The following CAPRIN1 variants were observed in gnomAD, a reference collection of about 807,000 sequenced individuals.
CAPRIN1 encodes cell cycle associated protein 1.
A neutral mutation model predicts 100.9 loss-of-function variants in CAPRIN1; 29 were observed. The ratio of observed to expected loss-of-function variants is 0.29; its 90% confidence interval spans 0.21 to 0.39. The LOEUF is 0.39. CAPRIN1 is among the 10% of genes least tolerant of loss of function. CAPRIN1 has a pLI of 1.00. For synonymous variants in CAPRIN1, 338 were observed against 307.5 expected (o/e 1.10, Z -1.04); for missense variants, 795 against 876.7 (o/e 0.91, Z 1.18).
At chr11:34,079,244 AC>A (rs1850963833) in intron 6 of CAPRIN1, among the ~76,000 whole-genome samples, 1 of 152,144 alleles carries the variant, frequency 6.6e-6, no homozygotes, top group African/African-American at 2.4e-5. Flanking sequence ...TACTGAAAAT[AC>A]AAAAATTGGC....
At chr11:34,064,778 G>A (rs1323865458) in intron 2 of CAPRIN1, among the ~76,000 whole-genome samples, 2 of 152,032 alleles carry the variant, frequency 1.3e-5, no homozygotes, top group Non-Finnish European at 2.9e-5. Context: ...CTCAAAGGTG[G>A]TAACCCCTAA....
Position 34,086,350 on chromosome 11 carries a change from G to A in CAPRIN1, c.1168G>A (p.Val390Ile), listed in dbSNP as rs753669335. ...AAATCAGACACTTGATCCTGCCATT[G>A]TATCTGCACAGCCTATGAATCCAAC... ...FENQTLDPAI[V>I]SAQPMNPTQN... The change falls in exon 11 of 19, where the codon GTA becomes ATA. Residue 390 changes from valine (V) to isoleucine (I), a missense_variant. Transcript: ENST00000341394. The A allele has an allele frequency of 1.9e-6, 3 of 1,614,050 alleles. No individual in the cohort carries two copies. In the South Asian group the frequency reaches 3.3e-5, roughly 18 times the overall value.
intron 15 of CAPRIN1, among the ~76,000 whole-genome samples, chr11:34,093,604 A>G (rs1355668614): frequency 6.6e-6 from 1 of 152,210 alleles, no homozygotes; most frequent in Non-Finnish European, 1.5e-5. Flanking sequence ...TGTAGTATTC[A>G]GTATCACTAA....
intron 6 of CAPRIN1, among the ~76,000 whole-genome samples, chr11:34,077,081 G>A (rs752607574): frequency 1.3e-5 from 2 of 152,166 alleles, no homozygotes; most frequent in African/African-American, 2.4e-5. Flanking sequence ...ATTTAGAAAT[G>A]TATACATAGC....
intron 7 of CAPRIN1, 98 bp from the exon 8 acceptor site, chr11:34,082,727 A>G: frequency 1.2e-6 from 1 of 816,070 alleles, no homozygotes; most frequent in South Asian, 1.5e-5. Context: ...GGGTTTGGAC[A>G]AATGCATAAT....
chr11:34,087,710 CA>C (rs1260031649), intron 11 of CAPRIN1, among the ~76,000 whole-genome samples: 1 of 152,130 alleles, frequency 6.6e-6, no homozygotes, highest in Non-Finnish European at 1.5e-5. Flanking sequence ...TTTTAGTGTT[CA>C]TTTTCTGAGC....
rs114363551 is a variant in CAPRIN1, at chr11:34,078,489, C to T, written c.689-1139C>T. On this transcript the variant is annotated intron_variant, in intron 6 of 18. Coordinates refer to ENST00000341394, the MANE Select transcript of CAPRIN1 (RefSeq NM_005898.5). ...TTTTTGTTTGTTTTTGAATATCTTT[C>T]GATTGTCTACTTTTTTCTCTTCTAC... Among the ~76,000 whole-genome samples, 703 of 152,262 alleles carry T rather than the reference C, an allele frequency of 4.6e-3. 7 individuals are homozygous for T. Among genetic ancestry groups the T allele is most frequent in the African/African-American group, 0.017 (687 of 41,550 alleles).
At chr11:34,079,594 A>T in intron 6 of CAPRIN1, 34 bp from the exon 7 acceptor site, 1 of 1,580,400 alleles carries the variant, frequency 6.3e-7, no homozygotes, top group Non-Finnish European at 8.7e-7. Context: ...TCCTCAGATA[A>T]GTCTTACATT....
chr11:34,071,161 C>G (rs1850797966), intron 2 of CAPRIN1, among the ~76,000 whole-genome samples: 1 of 152,164 alleles, frequency 6.6e-6, no homozygotes, highest in South Asian at 2.1e-4. Context: ...ATGCCTAGTC[C>G]ATCTAATACT....
chr11:34,076,778 G>A, intron 6 of CAPRIN1, 136 bp downstream of exon 6: 1 of 651,476 alleles, frequency 1.5e-6, no homozygotes, highest in Non-Finnish European at 2.6e-6. Flanking sequence ...CTGTTGCCCA[G>A]GTTGGAGTGT....
intron 2 of CAPRIN1, among the ~76,000 whole-genome samples, chr11:34,062,364 G>A (rs1371425124): frequency 6.6e-6 from 1 of 152,108 alleles, no homozygotes; most frequent in Non-Finnish European, 1.5e-5. Flanking sequence ...GGTGGCTCAC[G>A]CCTGTAATCC....
chr11:34,086,382 C>T lies in CAPRIN1; in HGVS notation c.1200C>T (p.Asn400=), dbSNP rs1851144685. The T allele has an allele frequency of 6.2e-7, 1 of 1,613,498 alleles. No individual in the cohort carries two copies. Among genetic ancestry groups the T allele is most frequent in the Non-Finnish European group, 8.5e-7 (1 of 1,179,576 alleles). Reference sequence around the variant, plus strand: ...CACAGCCTATGAATCCAACACAAAACATGGACATGCCCCAGCTGGTTTGCC... The same window carrying T: ...CACAGCCTATGAATCCAACACAAAATATGGACATGCCCCAGCTGGTTTGCC... ...VSAQPMNPTQ[N]MDMPQLVCPP... is the part of the protein sequence containing the mutation. The change falls in exon 11 of 19, where the codon AAC becomes AAT. Residue 400 remains asparagine (N), a synonymous_variant. Transcript: ENST00000341394.
chr11:34,087,220 T>C (rs1404424834), intron 11 of CAPRIN1, among the ~76,000 whole-genome samples: 1 of 152,188 alleles, frequency 6.6e-6, no homozygotes, highest in Non-Finnish European at 1.5e-5. Context: ...TGTTGCATGA[T>C]GTTAAATATC....
chr11:34,080,336 G>A (rs887152644), intron 7 of CAPRIN1, among the ~76,000 whole-genome samples: 6 of 152,132 alleles, frequency 3.9e-5, no homozygotes, highest in Admixed American at 1.3e-4. Context: ...CTGATAGATA[G>A]TTCTTTTGCA....
chr11:34,053,234 C>G (rs1850369331), intron 2 of CAPRIN1: 1 of 834,868 alleles, frequency 1.2e-6, no homozygotes, highest in African/African-American at 1.8e-5. Flanking sequence ...CTTCGATTTG[C>G]TACCCCCGCG....
intron 15 of CAPRIN1, among the ~76,000 whole-genome samples, chr11:34,095,367 TATA>T (rs770640398): frequency 1.2e-4 from 19 of 152,254 alleles, no homozygotes; most frequent in Admixed American, 5.2e-4. Context: ...ATTTTGGGAA[TATA>T]ATAAAAGGCA....
intron 18 of CAPRIN1, chr11:34,098,220 G>C: frequency 1.0e-6 from 1 of 992,768 alleles, no homozygotes; most frequent in Non-Finnish European, 1.2e-6. Context: ...TTAACATTTA[G>C]AGAACCATTT....
intron 12 of CAPRIN1, 108 bp from the exon 13 acceptor site, chr11:34,090,071 T>G: frequency 1.8e-6 from 1 of 566,572 alleles, no homozygotes; most frequent in South Asian, 2.6e-5. Flanking sequence ...CTCCCTTCTT[T>G]AGCAGTTGTA....
Position 34,099,423 on chromosome 11 carries a change from A to C in CAPRIN1, c.*56A>C. The C allele has an allele frequency of 7.5e-7, 1 of 1,341,698 alleles. No individual in the cohort carries two copies. Among genetic ancestry groups the C allele is most frequent in the Non-Finnish European group, 1.1e-6 (1 of 933,018 alleles). The allele number at this position is 1,341,698 out of a possible 1,614,324, so 83.1% of individuals were successfully genotyped here. ...AAAACACACTGGCCAGTGTACCATA[A>C]TATGTTACCAGAAGAGTTATTATCT... is the stretch of plus-strand genomic sequence containing the variant. On this transcript the variant is annotated 3_prime_UTR_variant, in exon 19 of 19. Coordinates refer to ENST00000341394, the MANE Select transcript of CAPRIN1 (RefSeq NM_005898.5).
Sources: gnomAD v4.1 joint callset for allele counts (sites outside exome capture counted in the v4.1 genomes callset) on GRCh38, gnomAD v4.1.1 for gene constraint, MANE v1.5 for transcripts, NCBI Gene and HGNC (gene_info 2026-07-23, HGNC 2026-07-21) for gene names.